The following ROBO2 variants were observed in gnomAD, a reference collection of about 807,000 sequenced individuals.
ROBO2 encodes roundabout guidance receptor 2.
In ROBO2, 53 loss-of-function variants were observed where a neutral mutation model predicts 160.8. The observed-to-expected ratio is 0.33, with a 90% CI of 0.26 to 0.41. The LOEUF is 0.41. ROBO2 is among the 10% of genes least tolerant of loss of function. The pLI, the probability that ROBO2 is intolerant of heterozygous loss-of-function variation, is 1.00. For missense variants in ROBO2, 1,577 were observed against 1,722.4 expected, an observed-to-expected ratio of 0.92 and a Z score of 1.49; for synonymous variants, 664 against 611.7, an observed-to-expected ratio of 1.09 and a Z score of -1.26.
At chr3:76,704,029 A>AGTT (rs2093104599) in intron 2 of ROBO2, among the ~76,000 whole-genome samples, 1 of 150,932 alleles carries the variant, frequency 6.6e-6, no homozygotes, top group African/African-American at 2.4e-5. Flanking sequence ...TGGAATGGGC[A>AGTT]TCTTTTCTAT....
intron 2 of ROBO2, among the ~76,000 whole-genome samples, chr3:76,351,731 C>A (rs2074888905): frequency 6.6e-6 from 1 of 151,794 alleles, no homozygotes; most frequent in Non-Finnish European, 1.5e-5. Context: ...ATGAGTTTTT[C>A]TTTAATTTAC....
intron 2 of ROBO2, among the ~76,000 whole-genome samples, chr3:76,385,148 C>T (rs545516808): frequency 6.6e-6 from 1 of 152,150 alleles, no homozygotes; most frequent in African/African-American, 2.4e-5. Context: ...GCATGCACCA[C>T]CATGTCTGGC....
At position 77,083,057 on chromosome 3, in the gene ROBO2, T is replaced by C. The variant is rs566564020; in HGVS notation, c.62-14957T>C. On this transcript the variant is annotated intron_variant, in intron 1 of 25. Transcript: ENST00000461745. ...ATATGTCAGGCACAAGCTACCTCGATGAAATAGAGAACTCTGCATCTCATT... is the reference window on the plus strand; with the variant it reads ...ATATGTCAGGCACAAGCTACCTCGACGAAATAGAGAACTCTGCATCTCATT... 1.2e-4 allele frequency among the ~76,000 whole-genome samples: 18 copies of C among 152,264 alleles called. No individual in the cohort carries two copies. The East Asian group carries it at 2.5e-3, about 21-fold the overall frequency.
chr3:76,131,691 A>C (rs1559577503), intron 2 of ROBO2, among the ~76,000 whole-genome samples: 1 of 152,158 alleles, frequency 6.6e-6, no homozygotes, highest in Non-Finnish European at 1.5e-5. Context: ...TAAACACTGC[A>C]ACACAGAGGA....
chr3:76,043,850 A>T (rs925656333), intron 2 of ROBO2, among the ~76,000 whole-genome samples: 1 of 151,918 alleles, frequency 6.6e-6, no homozygotes, highest in Non-Finnish European at 1.5e-5. Context: ...TCTTGGAACT[A>T]TGTGAAGATT....
intron 2 of ROBO2, among the ~76,000 whole-genome samples, chr3:76,969,779 A>G (rs1329589886): frequency 2.0e-5 from 3 of 152,062 alleles, no homozygotes; most frequent in Non-Finnish European, 4.4e-5. Flanking sequence ...TTAAGCTGTG[A>G]TAAAACCAAT....
intron 2 of ROBO2, among the ~76,000 whole-genome samples, chr3:76,710,126 C>CT (rs34165260): frequency 0.36 from 53,115 of 147,044 alleles, 10,927 homozygotes; most frequent in Non-Finnish European, 0.47. Flanking sequence ...TTTTTCTTTT[C>CT]TTTTTTTTTT....
At chr3:76,824,376 C>G (rs73123357) in intron 2 of ROBO2, among the ~76,000 whole-genome samples, 1 of 152,042 alleles carries the variant, frequency 6.6e-6, no homozygotes, top group African/African-American at 2.4e-5. Context: ...GGATTATAGG[C>G]GGGGGCCACA....
intron 2 of ROBO2, among the ~76,000 whole-genome samples, chr3:76,598,874 G>A (rs539459836): frequency 9.6e-4 from 146 of 152,150 alleles, no homozygotes; most frequent in African/African-American, 1.9e-3. Context: ...CTTCATCTAC[G>A]TAACGAAGCA....
chr3:76,887,628 A>T (rs527911506), intron 2 of ROBO2, among the ~76,000 whole-genome samples: 16 of 152,140 alleles, frequency 1.1e-4, no homozygotes, highest in Non-Finnish European at 1.5e-4. Flanking sequence ...CCTGCTAAAC[A>T]TAGTTCTCTC....
intron 2 of ROBO2, among the ~76,000 whole-genome samples, chr3:76,274,462 C>A (rs34136232): frequency 0.78 from 117,921 of 152,068 alleles, 48,280 homozygotes; most frequent in Non-Finnish European, 0.93. Context: ...AGTTTATAAA[C>A]TATTTTATGA....
At chr3:77,007,747 A>G (rs2061656395) in intron 2 of ROBO2, among the ~76,000 whole-genome samples, 1 of 152,146 alleles carries the variant, frequency 6.6e-6, no homozygotes, top group East Asian at 1.9e-4. Flanking sequence ...ATCTCTGTAC[A>G]AACATCTTTG....
In ROBO2 at chr3:77,009,048, A is replaced by G. The variant is rs2061729161; in HGVS notation, c.110-88966A>G. Among the ~76,000 whole-genome samples the G allele has an allele frequency of 2.0e-5, 3 of 152,212 alleles. No homozygotes were observed. The South Asian group carries it at 6.2e-4, about 32-fold the overall frequency. On this transcript the variant is annotated intron_variant, in intron 2 of 26. Coordinates refer to the ROBO2 transcript ENST00000487694. ...GTCAGGATACTGAAGCATTCTTGCC[A>G]TGTGGTCAATTTCCTTATCTCTCCA...
intron 2 of ROBO2, among the ~76,000 whole-genome samples, chr3:76,879,986 G>A (rs2073169884): frequency 6.6e-6 from 1 of 152,048 alleles, no homozygotes; most frequent in Non-Finnish European, 1.5e-5. Context: ...AAAAATAATA[G>A]AAGTAGTTCT....
chr3:77,057,906 G>C (rs1036740292), intron 1 of ROBO2, among the ~76,000 whole-genome samples: 1 of 151,822 alleles, frequency 6.6e-6, no homozygotes, highest in Non-Finnish European at 1.5e-5. Flanking sequence ...CGGGTTGATA[G>C]GTGCATCAAA....
chr3:77,249,229 C>T (rs1277721895), intron 2 of ROBO2, among the ~76,000 whole-genome samples: 1 of 152,174 alleles, frequency 6.6e-6, no homozygotes, highest in Non-Finnish European at 1.5e-5. Context: ...ACAGAAAAAC[C>T]TCTGCTGAAT....
chr3:76,941,307 A>G (rs929088904), intron 2 of ROBO2, among the ~76,000 whole-genome samples: 1 of 152,170 alleles, frequency 6.6e-6, no homozygotes, highest in African/African-American at 2.4e-5. Flanking sequence ...TAAAGGGGGA[A>G]TTTTAAATAT....
intron 2 of ROBO2, among the ~76,000 whole-genome samples, chr3:76,089,183 T>G (rs2069130796): frequency 6.6e-6 from 1 of 152,060 alleles, no homozygotes; most frequent in African/African-American, 2.4e-5. Context: ...GGAAATTGAC[T>G]TAATAGTTAA....
chr3:76,054,077 T>C (rs2067750523), intron 2 of ROBO2, among the ~76,000 whole-genome samples: 1 of 152,140 alleles, frequency 6.6e-6, no homozygotes, highest in Non-Finnish European at 1.5e-5. Context: ...TTTTATGTCT[T>C]TATGGAAATA....
Sources: allele counts gnomAD v4.1 joint callset (sites outside exome capture counted in the v4.1 genomes callset), GRCh38; gene constraint gnomAD v4.1.1; transcripts MANE v1.5; gene names NCBI Gene and HGNC (gene_info 2026-07-23, HGNC 2026-07-21).